Variants in HSF2BP observed in about 807,000 individuals in gnomAD.
HSF2BP encodes heat shock factor 2-binding protein.
Under a neutral mutation model 35.0 loss-of-function variants are expected in HSF2BP, and 35 were observed. The ratio of observed to expected loss-of-function variants is 1.00; its 90% confidence interval spans 0.76 to 1.32. The LOEUF (loss-of-function observed/expected upper bound fraction) is 1.32. Among genes scored for constraint, HSF2BP ranks in the 40% most tolerant of loss-of-function variants. The pLI is 0.00. For missense variants in HSF2BP, 326 were observed against 321.7 expected (o/e 1.01, Z -0.10); for synonymous variants, 114 against 117.4 (o/e 0.97, Z 0.18).
At chr21:43,630,298 T>G (rs113542944) in intron 6 of HSF2BP, 24 bp downstream of exon 6, 2 of 1,596,186 alleles carry the variant, frequency 1.3e-6, no homozygotes, top group Admixed American at 3.5e-5. Context: ...ACAGGCAACA[T>G]CTCTCAGGTG....
intron 3 of HSF2BP, among the ~76,000 whole-genome samples, chr21:43,650,275 C>T (rs1188036970): frequency 1.3e-5 from 2 of 152,112 alleles, no homozygotes; most frequent in African/African-American, 4.8e-5. Context: ...GGTGCGATCT[C>T]GGCTCACTGC....
In HSF2BP at chr21:43,658,132, CG is replaced by C; in HGVS notation, c.-37del. 3 of 1,508,630 alleles carry C rather than the reference CG, an allele frequency of 2.0e-6. No homozygotes were observed. In the South Asian group the frequency reaches 3.7e-5, roughly 19 times the overall value. 93.5% of individuals were successfully genotyped at this position (1,508,630 alleles called of 1,614,324 possible). ...GCCTCCGCTCCGTTCGCCTGAGCGT[CG>C]GCGCGCCCTCTGACCCCTCACGCCA... On this transcript the variant is annotated 5_prime_UTR_variant, in exon 2 of 9. Transcript: ENST00000291560.
rs1482690057 is a variant in HSF2BP at position 43,658,134 on chromosome 21, G to A, written c.-38C>T. 1.3e-5 allele frequency: 19 copies of A among 1,506,662 alleles called. No homozygotes were observed. In the Admixed American group the frequency reaches 3.2e-4, roughly 26 times the overall value. The allele number at this position is 1,506,662 out of a possible 1,614,324, so 93.3% of individuals were successfully genotyped here. A position where few individuals can be genotyped will look rare whatever the true frequency, so the allele number is the denominator to read the frequency against. On this transcript the variant is annotated 5_prime_UTR_variant, in exon 2 of 9. Transcript: ENST00000291560. ...CTCCGCTCCGTTCGCCTGAGCGTCG[G>A]CGCGCCCTCTGACCCCTCACGCCAG... is the stretch of plus-strand genomic sequence containing the variant.
At chr21:43,578,899 G>A (rs573969736) in intron 8 of HSF2BP, among the ~76,000 whole-genome samples, 9 of 152,244 alleles carry the variant, frequency 5.9e-5, no homozygotes, top group African/African-American at 2.2e-4. Flanking sequence ...CAGAAGAGAA[G>A]ACTAGTTGTG....
rs189114021 is a variant in HSF2BP, at chr21:43,619,553, C to G, written c.575-5606G>C. ...AAACTCTGAACAGACAGTAAGACAA[C>G]TGGACTTTCATACCTGTGACACCCG... On this transcript the variant is annotated intron_variant, in intron 6 of 8. Transcript: ENST00000291560. Among the ~76,000 whole-genome samples, 82 of 152,348 alleles carry G rather than the reference C, an allele frequency of 5.4e-4. 1 individual carries two copies. Among genetic ancestry groups the G allele is most frequent in the African/African-American group, 1.9e-3 (78 of 41,582 alleles).
intron 8 of HSF2BP, among the ~76,000 whole-genome samples, chr21:43,584,105 A>G (rs988084501): frequency 7.4e-6 from 1 of 135,578 alleles, no homozygotes; most frequent in Non-Finnish European, 1.6e-5. Flanking sequence ...GGAGATGAAG[A>G]CCTGCTAAGG....
At chr21:43,653,280 A>AAG (rs1015263706) in intron 3 of HSF2BP, among the ~76,000 whole-genome samples, 1 of 149,424 alleles carries the variant, frequency 6.7e-6, no homozygotes, top group Admixed American at 6.7e-5. Flanking sequence ...AGAAGGAAGG[A>AAG]AGAGAGAGAG....
chr21:43,593,175 G>T (rs1466757168), intron 7 of HSF2BP, among the ~76,000 whole-genome samples: 2 of 152,110 alleles, frequency 1.3e-5, no homozygotes, highest in African/African-American at 4.8e-5. Flanking sequence ...TCACGCAGAG[G>T]GACCGAGCGA....
chr21:43,584,975 T>C (rs1319329228), intron 8 of HSF2BP, among the ~76,000 whole-genome samples: 1 of 150,616 alleles, frequency 6.6e-6, no homozygotes, highest in East Asian at 1.9e-4. Context: ...ACTTTCATGC[T>C]CTAGGTATAA....
intron 7 of HSF2BP, among the ~76,000 whole-genome samples, chr21:43,604,807 ACACACCACCCACATCG>A (rs1161303718): frequency 1.5e-5 from 2 of 130,714 alleles, no homozygotes; most frequent in Non-Finnish European, 3.3e-5. Context: ...TACACGCCAC[ACACACCACCCACATCG>A]CACACCACAC....
intron 6 of HSF2BP, 152 bp downstream of exon 6, chr21:43,630,170 A>G (rs558558263): frequency 9.2e-6 from 5 of 543,368 alleles, no homozygotes; most frequent in African/African-American, 5.9e-5. Flanking sequence ...GCTATTGTAC[A>G]TACAACAGAC....
At chr21:43,635,638 C>T (rs147005391) in intron 4 of HSF2BP, among the ~76,000 whole-genome samples, 217 of 152,154 alleles carry the variant, frequency 1.4e-3, no homozygotes, top group African/African-American at 4.9e-3. Flanking sequence ...ATCATAGGGC[C>T]GGGTGCGGTG....
the HSF2BP span, among the ~76,000 whole-genome samples, chr21:43,467,999 CCA>C: frequency 9.4e-6 from 1 of 106,498 alleles, no homozygotes; most frequent in South Asian, 3.1e-4. Flanking sequence ...CCCACACACA[CCA>C]CACACACCAC....
Position 43,659,408 on chromosome 21 carries a change from T to C in HSF2BP, c.-247A>G, listed in dbSNP as rs920409858. On this transcript the variant is annotated 5_prime_UTR_variant, in exon 1 of 9. Transcript: ENST00000291560. The surrounding 1 kb of genome is among the most constrained non-coding windows in gnomAD (Gnocchi z 4.2). ...AACCTCGCCGTCTACAGCCTGAATT[T>C]TGGCAACCGAAAGGCAGCGCCGGCG... The C allele has an allele frequency of 4.7e-6, 1 of 210,738 alleles. No individual in the cohort carries two copies. Among genetic ancestry groups the C allele is most frequent in the African/African-American group, 2.3e-5 (1 of 43,064 alleles). The allele number at this position is 210,738 out of a possible 1,614,324, so 13.1% of individuals were successfully genotyped here.
chr21:43,606,683 T>C (rs1030502792), intron 7 of HSF2BP, among the ~76,000 whole-genome samples: 3 of 152,128 alleles, frequency 2.0e-5, no homozygotes, highest in African/African-American at 7.2e-5. Flanking sequence ...CCCCTAAACA[T>C]GTTCAAGTCA....
chr21:43,614,001 C>T, intron 6 of HSF2BP, 54 bp from the exon 7 acceptor site: 2 of 1,251,000 alleles, frequency 1.6e-6, no homozygotes, highest in South Asian at 1.2e-5. Context: ...AGAACCTAGA[C>T]AATTTTGTGC....
chr21:43,585,007 T>C (rs1336726912), intron 8 of HSF2BP, among the ~76,000 whole-genome samples: 1 of 152,082 alleles, frequency 6.6e-6, no homozygotes, highest in Non-Finnish European at 1.5e-5. Context: ...TATTTATTTA[T>C]TTATTTATTT....
intron 8 of HSF2BP, among the ~76,000 whole-genome samples, chr21:43,574,047 C>T (rs985456310): frequency 1.3e-5 from 2 of 152,186 alleles, no homozygotes; most frequent in Middle Eastern, 6.8e-3. Flanking sequence ...GAGCAGGGCC[C>T]GAGGCAGCCT....
At chr21:43,611,065 G>A (rs868589108) in intron 7 of HSF2BP, among the ~76,000 whole-genome samples, 18 of 152,062 alleles carry the variant, frequency 1.2e-4, no homozygotes, top group African/African-American at 2.7e-4. Flanking sequence ...GAGAGACCCC[G>A]TCTCTACAAA....
Sources: allele counts gnomAD v4.1 joint callset (sites outside exome capture counted in the v4.1 genomes callset), GRCh38; gene constraint gnomAD v4.1.1; non-coding constraint Gnocchi (gnomAD v3.1); transcripts MANE v1.5; gene names NCBI Gene and HGNC (gene_info 2026-07-23, HGNC 2026-07-21).